The following CFAP221 variants were observed in gnomAD, a reference collection of about 807,000 sequenced individuals.
CFAP221 encodes the protein cilia and flagella associated protein 221, also known as cilia- and flagella-associated protein 221.
A neutral mutation model predicts 113.1 loss-of-function variants in CFAP221; 97 were observed. The observed-to-expected ratio is 0.86, with a 90% CI of 0.73 to 1.02. The LOEUF is 1.02. Ranked by LOEUF, CFAP221 falls within the 50% of genes least tolerant of loss-of-function variation. CFAP221 has a pLI of 0.00. For missense variants in CFAP221, 1,025 were observed against 1,013.4 expected, an observed-to-expected ratio of 1.01 and a Z score of -0.16; for synonymous variants, 331 against 354.4, an observed-to-expected ratio of 0.93 and a Z score of 0.74.
Position 119,594,608 on chromosome 2 carries a change from T to G in CFAP221, c.632-6610T>G, listed in dbSNP as rs1013179373. On this transcript the variant is annotated intron_variant, in intron 7 of 23. Coordinates refer to ENST00000413369, the MANE Select transcript of CFAP221 (RefSeq NM_001271049.2). ...TCCTCCTTCAAAAAGTATTAATTTT[T>G]AGTTTTGCAGTTTATATGCACAGCA... Among the ~76,000 whole-genome samples the G allele has an allele frequency of 3.9e-5, 6 of 152,322 alleles. 1 individual carries two copies. The East Asian group carries it at 1.2e-3, about 29-fold the overall frequency.
At chr2:119,549,844 G>A (rs1315209746) in intron 3 of CFAP221, among the ~76,000 whole-genome samples, 3 of 152,234 alleles carry the variant, frequency 2.0e-5, no homozygotes, top group African/African-American at 2.4e-5. Context: ...CTGCAAAGTA[G>A]CCAAAGCCTA....
intron 14 of CFAP221, among the ~76,000 whole-genome samples, chr2:119,624,072 G>C (rs1419779757): frequency 1.3e-5 from 2 of 152,192 alleles, no homozygotes; most frequent in East Asian, 3.9e-4. Context: ...TATCATCAGA[G>C]TGAACAGGCA....
At chr2:119,620,532 A>G (rs557814899) in intron 14 of CFAP221, among the ~76,000 whole-genome samples, 98 of 152,330 alleles carry the variant, frequency 6.4e-4, no homozygotes, top group African/African-American at 2.1e-3. Flanking sequence ...TTTACAGACA[A>G]GCAAATGCTG....
intron 15 of CFAP221, among the ~76,000 whole-genome samples, chr2:119,627,300 T>C (rs1686379368): frequency 6.6e-6 from 1 of 152,178 alleles, no homozygotes; most frequent in South Asian, 2.1e-4. Flanking sequence ...TGTTGAAGTT[T>C]CTAATAAAGA....
At chr2:119,622,939 T>G (rs1460317127) in intron 14 of CFAP221, among the ~76,000 whole-genome samples, 1 of 152,186 alleles carries the variant, frequency 6.6e-6, no homozygotes, top group East Asian at 1.9e-4. Context: ...GCTGGAAGCA[T>G]TCTCTTTGAA....
At chr2:119,560,413 C>T (rs918930817) in intron 5 of CFAP221, among the ~76,000 whole-genome samples, 1 of 152,146 alleles carries the variant, frequency 6.6e-6, no homozygotes, top group Non-Finnish European at 1.5e-5. Flanking sequence ...TTATAAACAC[C>T]AGCCACTGGC....
At position 119,598,975 on chromosome 2, in the gene CFAP221, A is replaced by G. The variant is rs969458323; in HGVS notation, c.632-2243A>G. Among the ~76,000 whole-genome samples the G allele has an allele frequency of 1.6e-4, 24 of 152,182 alleles. 1 individual carries two copies. The highest frequency in any genetic ancestry group is 1.4e-3 in the Admixed American group (21 of 15,270). On this transcript the variant is annotated intron_variant, in intron 7 of 23. Coordinates refer to ENST00000413369, the MANE Select transcript of CFAP221 (RefSeq NM_001271049.2). ...GAGCCCCGGGTCAATTTATGGGTTA[A>G]AGGGGGCTATTTTCTGACCAAGTGG... is the stretch of plus-strand genomic sequence containing the variant.
chr2:119,563,813 A>T (rs546167205), intron 6 of CFAP221, among the ~76,000 whole-genome samples: 75 of 152,208 alleles, frequency 4.9e-4, no homozygotes, highest in Non-Finnish European at 8.4e-4. Context: ...AGAACAACTC[A>T]TACAGGAGGT....
At chr2:119,619,051 G>A (rs373951443) in intron 14 of CFAP221, among the ~76,000 whole-genome samples, 3 of 152,130 alleles carry the variant, frequency 2.0e-5, no homozygotes, top group Non-Finnish European at 4.4e-5. Context: ...CTCCTCTCTG[G>A]GCAGGGCATC....
At chr2:119,568,157 C>T (rs946162192) in intron 6 of CFAP221, among the ~76,000 whole-genome samples, 2 of 152,120 alleles carry the variant, frequency 1.3e-5, no homozygotes, top group Non-Finnish European at 2.9e-5. Flanking sequence ...TATGTATACA[C>T]ATATCTGTGA....
At chr2:119,649,038 C>T (rs1178415225) in intron 22 of CFAP221, among the ~76,000 whole-genome samples, 2 of 152,188 alleles carry the variant, frequency 1.3e-5, no homozygotes, top group East Asian at 1.9e-4. Flanking sequence ...AGGAAGTGTT[C>T]TGAAGTATAT....
intron 7 of CFAP221, among the ~76,000 whole-genome samples, chr2:119,588,515 A>G (rs746882355): frequency 6.6e-6 from 1 of 152,206 alleles, no homozygotes; most frequent in Non-Finnish European, 1.5e-5. Flanking sequence ...CCTATTCAAA[A>G]TCAGGGTACT....
chr2:119,627,712 T>C lies in CFAP221; in HGVS notation c.1576T>C (p.Phe526Leu), dbSNP rs764563519. 5 of 1,613,962 alleles carry C rather than the reference T, an allele frequency of 3.1e-6. No homozygotes were observed. Among genetic ancestry groups the C allele is most frequent in the Admixed American group, 1.7e-5 (1 of 60,004 alleles). The change falls in exon 16 of 24, where the codon TTC becomes CTC. Residue 526 changes from phenylalanine to leucine, a missense_variant. Phe to Leu is a conservative substitution (Grantham distance 22). Transcript: ENST00000413369. ...CAGTCAGGATGATTATACCAGCCGG[T>C]TCTCTGTGTCGCCCAAGGAGGTGCT... ...RISQDDYTSR[F>L]SVSPKEVLPF... is the part of the protein sequence containing the mutation.
intron 8 of CFAP221, chr2:119,602,683 T>C (rs1414079453): frequency 4.1e-6 from 4 of 985,250 alleles, no homozygotes; most frequent in African/African-American, 1.7e-5. Flanking sequence ...ATAACCATCA[T>C]TGAAATCACT....
intron 14 of CFAP221, among the ~76,000 whole-genome samples, chr2:119,624,988 C>A (rs1367819925): frequency 6.6e-6 from 1 of 151,568 alleles, no homozygotes; most frequent in Non-Finnish European, 1.5e-5. Flanking sequence ...CCTGCATGTT[C>A]TGCACATGTA....
chr2:119,570,080 G>A (rs1681935408), intron 6 of CFAP221, among the ~76,000 whole-genome samples: 1 of 152,150 alleles, frequency 6.6e-6, no homozygotes, highest in South Asian at 2.1e-4. Context: ...TCATGTACTG[G>A]GTAAAAGGAA....
chr2:119,629,954 A>C lies in CFAP221; in HGVS notation c.1730A>C (p.Gln577Pro). Reference sequence around the variant, plus strand: ...CAGAGTTATTCCTTCTTCAATCTGCAGGTCAGACCTGTCACATAAATTAAT... The same window carrying C: ...CAGAGTTATTCCTTCTTCAATCTGCCGGTCAGACCTGTCACATAAATTAAT... ...IKQSYSFFNL[Q>P]VPQLYKIKRY... Residue 577 changes from glutamine (Q) to proline (P), a missense_variant and splice_region_variant, in exon 17 of 24, where the codon CAG (glutamine) becomes CCG (proline). Gln to Pro is a moderately conservative substitution (Grantham distance 76, BLOSUM62 -1). Transcript: ENST00000413369. 6.2e-7 allele frequency: 1 copy of C among 1,601,994 alleles called. No individual in the cohort carries two copies. Among genetic ancestry groups the C allele is most frequent in the Non-Finnish European group, 8.5e-7 (1 of 1,171,318 alleles).
At chr2:119,620,787 T>C (rs1000215574) in intron 14 of CFAP221, among the ~76,000 whole-genome samples, 4 of 152,086 alleles carry the variant, frequency 2.6e-5, no homozygotes, top group African/African-American at 9.7e-5. Context: ...AATTAAAAGA[T>C]ACAGACTGGC....
At chr2:119,594,176 C>T (rs567274588) in intron 7 of CFAP221, among the ~76,000 whole-genome samples, 92 of 152,180 alleles carry the variant, frequency 6.0e-4, no homozygotes, top group African/African-American at 1.9e-3. Flanking sequence ...ATGAGGCATA[C>T]TGTCTGTTTT....
Sources: gnomAD v4.1 joint callset for allele counts (sites outside exome capture counted in the v4.1 genomes callset) on GRCh38, gnomAD v4.1.1 for gene constraint, MANE v1.5 for transcripts, NCBI Gene and HGNC (gene_info 2026-07-23, HGNC 2026-07-21) for gene names.